UNC5D: variants seen among roughly 807,000 people sequenced by gnomAD.
The protein encoded by UNC5D is netrin receptor UNC5D.
In UNC5D, 39 loss-of-function variants were observed where a neutral mutation model predicts 105.4. The ratio of observed to expected loss-of-function variants is 0.37; its 90% CI spans 0.29 to 0.48. The LOEUF (loss-of-function observed/expected upper bound fraction) is 0.48. UNC5D is among the 20% of genes least tolerant of loss of function. UNC5D has a pLI of 0.98. For synonymous variants in UNC5D, 452 were observed against 450.4 expected, an observed-to-expected ratio of 1.00 and a Z score of -0.04; for missense variants, 991 against 1,202.4, an observed-to-expected ratio of 0.82 and a Z score of 2.60.
intron 15 of UNC5D, 150 bp from the exon 16 acceptor site, chr8:35,774,149 G>C (rs2131739375): frequency 1.3e-6 from 1 of 790,256 alleles, no homozygotes; most frequent in East Asian, 2.7e-5. Context: ...TTAGAAGAAA[G>C]GGGAACTTAT....
chr8:35,484,065 C>T (rs538149844), intron 1 of UNC5D, among the ~76,000 whole-genome samples: 1 of 152,210 alleles, frequency 6.6e-6, no homozygotes, highest in South Asian at 2.1e-4. Flanking sequence ...TGGATGATGA[C>T]CCTTAAGGGA....
chr8:35,571,231 A>T (rs1817697876), intron 3 of UNC5D, among the ~76,000 whole-genome samples: 1 of 152,196 alleles, frequency 6.6e-6, no homozygotes, highest in African/African-American at 2.4e-5. Flanking sequence ...AAGTTGTTTT[A>T]GAGATTTAAA....
chr8:35,616,858 A>G (rs755828290), intron 4 of UNC5D, among the ~76,000 whole-genome samples: 1 of 152,230 alleles, frequency 6.6e-6, no homozygotes, highest in African/African-American at 2.4e-5. Flanking sequence ...TTTTAAAGAA[A>G]CCTCATATAA....
At chr8:35,330,802 G>A (rs555172945) in intron 1 of UNC5D, among the ~76,000 whole-genome samples, 3 of 152,190 alleles carry the variant, frequency 2.0e-5, no homozygotes, top group East Asian at 3.9e-4. Flanking sequence ...CTTAATGCGC[G>A]GATGCTTTGG....
At chr8:35,529,386 C>G (rs1814155740) in intron 1 of UNC5D, among the ~76,000 whole-genome samples, 2 of 146,468 alleles carry the variant, frequency 1.4e-5, no homozygotes, top group African/African-American at 5.2e-5. Context: ...TCTGAGGGCT[C>G]TGTTCTGTTC....
chr8:35,375,373 G>A (rs1433559260), intron 1 of UNC5D, among the ~76,000 whole-genome samples: 1 of 152,164 alleles, frequency 6.6e-6, no homozygotes, highest in Non-Finnish European at 1.5e-5. Context: ...CAGGTGCTGG[G>A]GAAGGAGAGA....
intron 3 of UNC5D, among the ~76,000 whole-genome samples, chr8:35,581,083 A>G (rs1198472416): frequency 1.3e-5 from 2 of 152,054 alleles, no homozygotes; most frequent in Non-Finnish European, 2.9e-5. Context: ...CCAGGGTCTC[A>G]CTCAGGACCT....
chr8:35,745,009 G>A (rs991849883), intron 11 of UNC5D, among the ~76,000 whole-genome samples: 5 of 151,754 alleles, frequency 3.3e-5, no homozygotes, highest in Non-Finnish European at 7.4e-5. Flanking sequence ...GCCCAAGATG[G>A]TGCCACTGCA....
At chr8:35,332,928 A>T (rs1228971096) in intron 1 of UNC5D, among the ~76,000 whole-genome samples, 3 of 152,186 alleles carry the variant, frequency 2.0e-5, no homozygotes, top group Non-Finnish European at 4.4e-5. Flanking sequence ...TGCTCTTCTG[A>T]GTGGGGTGAA....
chr8:35,507,821 G>A (rs1430190557), intron 1 of UNC5D, among the ~76,000 whole-genome samples: 1 of 152,066 alleles, frequency 6.6e-6, no homozygotes, highest in Non-Finnish European at 1.5e-5. Context: ...CATTTTCTAT[G>A]ATGTGATTAT....
At chr8:35,777,848 A>C (rs1003080683) in intron 16 of UNC5D, among the ~76,000 whole-genome samples, 2 of 152,216 alleles carry the variant, frequency 1.3e-5, no homozygotes, top group African/African-American at 4.8e-5. Context: ...AAGTGAAGGA[A>C]GAAGGGAGGA....
In UNC5D at chr8:35,549,502, A is replaced by G; in HGVS notation, c.314A>G (p.Glu105Gly). 6.2e-7 allele frequency: 1 copy of G among 1,611,698 alleles called. No individual in the cohort carries two copies. Among genetic ancestry groups the G allele is most frequent in the South Asian group, 1.1e-5 (1 of 90,924 alleles). ...NEHVSEETLD[E>G]SSGLKVREVF... Reference sequence around the variant, plus strand: ...CACGTCTCTGAAGAGACTCTGGACGAGAGCTCAGGTAGGAGCGTGCAGCAG... The same window carrying G: ...CACGTCTCTGAAGAGACTCTGGACGGGAGCTCAGGTAGGAGCGTGCAGCAG... Residue 105 changes from glutamate to glycine, a missense_variant, in exon 2 of 17, where the codon GAG (glutamate) becomes GGG (glycine). Around this residue, in one of 3 missense-constraint regions of UNC5D, gnomAD observed 944 missense variants for 1,131.6 expected, o/e 0.83. Coordinates refer to ENST00000404895, the MANE Select transcript of UNC5D (RefSeq NM_080872.4).
intron 1 of UNC5D, among the ~76,000 whole-genome samples, chr8:35,413,416 T>G (rs1402091628): frequency 1.3e-5 from 2 of 151,700 alleles, no homozygotes; most frequent in African/African-American, 4.8e-5. Context: ...AACTCCCCTC[T>G]TAAACTCATT....
chr8:35,395,435 G>T (rs897978836), intron 1 of UNC5D, among the ~76,000 whole-genome samples: 2 of 152,116 alleles, frequency 1.3e-5, no homozygotes, highest in African/African-American at 4.8e-5. Context: ...ATATCAAAAA[G>T]AAAAGAAAAC....
intron 1 of UNC5D, among the ~76,000 whole-genome samples, chr8:35,416,758 C>T (rs1054079603): frequency 1.3e-5 from 2 of 152,070 alleles, no homozygotes; most frequent in African/African-American, 2.4e-5. Context: ...ATTTCACATA[C>T]AATTTTGCAT....
At chr8:35,760,849 C>A (rs1305850728) in intron 14 of UNC5D, among the ~76,000 whole-genome samples, 5 of 151,900 alleles carry the variant, frequency 3.3e-5, no homozygotes, top group Admixed American at 3.3e-4. Context: ...AAGAGAAAAC[C>A]TTGATTGCAT....
chr8:35,246,499 C>G (rs1435982196), intron 1 of UNC5D, among the ~76,000 whole-genome samples: 1 of 151,990 alleles, frequency 6.6e-6, no homozygotes, highest in Non-Finnish European at 1.5e-5. Flanking sequence ...AGGAGAAGAC[C>G]TGGAGGAGTT....
chr8:35,345,571 A>T (rs1811747103), intron 1 of UNC5D, among the ~76,000 whole-genome samples: 1 of 152,060 alleles, frequency 6.6e-6, no homozygotes, highest in Non-Finnish European at 1.5e-5. Flanking sequence ...AGTGATTTTC[A>T]TCTTTGACTG....
At chr8:35,546,451 G>T (rs7841785) in intron 1 of UNC5D, among the ~76,000 whole-genome samples, 1 of 152,162 alleles carries the variant, frequency 6.6e-6, no homozygotes, top group East Asian at 1.9e-4. Context: ...ATACATAGAC[G>T]TATTCATGCG....
Sources: gnomAD v4.1 joint callset for allele counts (sites outside exome capture counted in the v4.1 genomes callset) on GRCh38, gnomAD v4.1.1 for gene constraint, gnomAD v4.1.1 regional missense constraint, MANE v1.5 for transcripts, NCBI Gene and HGNC (gene_info 2026-07-23, HGNC 2026-07-21) for gene names.